Variants in UGGT2 observed in about 807,000 individuals in gnomAD.
UGGT2 encodes UDP-glucose:glycoprotein glucosyltransferase 2.
In UGGT2, 180 loss-of-function variants were observed where a neutral mutation model predicts 192.1. That is an observed-to-expected ratio of 0.94 (90% confidence interval 0.83 to 1.06). UGGT2 has a LOEUF of 1.06. Ranked by LOEUF, UGGT2 falls within the 50% of genes least tolerant of loss-of-function variation. The probability of loss-of-function intolerance (pLI) is 0.00; values close to 1 mark genes in which losing one functional copy is unlikely to be tolerated. For synonymous variants in UGGT2, 580 were observed against 591.0 expected (o/e 0.98, Z 0.27); for missense variants, 1,849 against 1,795.7 (o/e 1.03, Z -0.54).
chr13:95,861,008 T>C (rs1890114133), intron 31 of UGGT2, 125 bp from the exon 32 acceptor site: 1 of 435,272 alleles, frequency 2.3e-6, no homozygotes, highest in Non-Finnish European at 4.0e-6. Context: ...AAACACTCTA[T>C]AATATTTACA....
intron 20 of UGGT2, among the ~76,000 whole-genome samples, chr13:95,912,890 G>A (rs1394185642): frequency 1.3e-5 from 2 of 151,942 alleles, no homozygotes; most frequent in African/African-American, 2.4e-5. Context: ...CAAAACAGAG[G>A]TATAGACCAA....
chr13:95,833,103 A>C, intron 37 of UGGT2, 50 bp from the exon 38 acceptor site: 1 of 1,592,548 alleles, frequency 6.3e-7, no homozygotes, highest in South Asian at 1.1e-5. Flanking sequence ...TCCTGGAAAC[A>C]TAAGGACAAT....
At chr13:95,983,729 T>C (rs1026317108) in intron 10 of UGGT2, 75 bp downstream of exon 10, 3 of 1,104,858 alleles carry the variant, frequency 2.7e-6, no homozygotes, top group East Asian at 2.6e-5. Context: ...CTTTTTTGTA[T>C]GAATATTGAA....
chr13:96,025,229 G>A (rs542078838), intron 2 of UGGT2, among the ~76,000 whole-genome samples: 1 of 152,256 alleles, frequency 6.6e-6, no homozygotes, highest in African/African-American at 2.4e-5. Context: ...ACAACAAAAT[G>A]GAATGCTGAC....
At chr13:95,959,430 C>T (rs2050317709) in intron 12 of UGGT2, among the ~76,000 whole-genome samples, 2 of 152,160 alleles carry the variant, frequency 1.3e-5, no homozygotes, top group African/African-American at 4.8e-5. Context: ...TCCCCTGCTG[C>T]CCACCAACCA....
intron 17 of UGGT2, among the ~76,000 whole-genome samples, chr13:95,934,090 T>A (rs903800542): frequency 8.5e-5 from 13 of 152,232 alleles, no homozygotes; most frequent in Non-Finnish European, 1.6e-4. Flanking sequence ...TATTTGAATT[T>A]TTATTATTGC....
At chr13:95,876,356 C>G (rs1205934462) in intron 29 of UGGT2, among the ~76,000 whole-genome samples, 2 of 152,148 alleles carry the variant, frequency 1.3e-5, no homozygotes, top group East Asian at 3.8e-4. Context: ...GCTGGCCTGG[C>G]ATTGAGGCTG....
chr13:95,924,646 G>A (rs2048963843), intron 20 of UGGT2, among the ~76,000 whole-genome samples: 1 of 152,022 alleles, frequency 6.6e-6, no homozygotes, highest in Admixed American at 6.5e-5. Context: ...AACACTGTGT[G>A]TAACTTTTGA....
intron 20 of UGGT2, among the ~76,000 whole-genome samples, chr13:95,904,720 A>G (rs1449202184): frequency 2.0e-5 from 3 of 152,090 alleles, no homozygotes; most frequent in African/African-American, 7.2e-5. Flanking sequence ...GTTGGTTCCA[A>G]GTCTTTGCTA....
chr13:95,934,993 A>G (rs542276593), intron 17 of UGGT2, among the ~76,000 whole-genome samples: 2 of 152,132 alleles, frequency 1.3e-5, no homozygotes, highest in African/African-American at 2.4e-5. Context: ...CTTGTTGAAC[A>G]CTTTATAATT....
chr13:95,949,578 A>G, intron 12 of UGGT2, 124 bp from the exon 13 acceptor site: 1 of 962,098 alleles, frequency 1.0e-6, no homozygotes, highest in Non-Finnish European at 1.4e-6. Context: ...CTGATTAAAT[A>G]GAGGAGCTAG....
intron 27 of UGGT2, among the ~76,000 whole-genome samples, chr13:95,879,312 C>T (rs577622164): frequency 6.6e-6 from 1 of 152,296 alleles, no homozygotes; most frequent in African/African-American, 2.4e-5. Flanking sequence ...TTGACTTATT[C>T]AAACCACAAC....
chr13:95,804,800 A>G (rs1884224895), intron 38 of UGGT2, among the ~76,000 whole-genome samples: 1 of 152,204 alleles, frequency 6.6e-6, no homozygotes, highest in South Asian at 2.1e-4. Flanking sequence ...CTAAAAATGG[A>G]TTAAAAACCT....
rs941152570 is a variant in UGGT2, at chr13:95,904,155, G to A, written c.2296-1095C>T. Among the ~76,000 whole-genome samples the A allele has an allele frequency of 5.3e-5, 8 of 151,986 alleles. 1 individual carries two copies. Among genetic ancestry groups the A allele is most frequent in the African/African-American group, 1.4e-4 (6 of 41,390 alleles). On this transcript the variant is annotated intron_variant, in intron 20 of 38. Transcript: ENST00000376747. The stretch of plus-strand genomic sequence containing the variant: ...TCTATGGCTTGTTTTGTAGTGTACT[G>A]ATGATGTGTTATAATGGGAAGCAGT...
At chr13:95,990,321 T>C (rs2051417336) in intron 7 of UGGT2, 2 of 223,206 alleles carry the variant, frequency 9.0e-6, no homozygotes, top group East Asian at 1.8e-4. Context: ...CAATTGTTAG[T>C]GTCAACTGTA....
chr13:95,860,928 A>G (rs1890105772), intron 31 of UGGT2, 45 bp from the exon 32 acceptor site: 1 of 1,226,934 alleles, frequency 8.2e-7, no homozygotes, highest in African/African-American at 1.5e-5. Context: ...ATACATATGG[A>G]AACATTGTAT....
At chr13:96,044,114 G>A (rs1346379549) in intron 1 of UGGT2, among the ~76,000 whole-genome samples, 1 of 152,104 alleles carries the variant, frequency 6.6e-6, no homozygotes, top group Non-Finnish European at 1.5e-5. Flanking sequence ...CCACTGATAG[G>A]CCACAAATCA....
Position 96,053,401 on chromosome 13 carries a change from T to C in UGGT2, c.-89A>G, listed in dbSNP as rs1038621595. 22 of 1,497,846 alleles carry C rather than the reference T, an allele frequency of 1.5e-5. No homozygotes were observed. Among genetic ancestry groups the C allele is most frequent in the Non-Finnish European group, 1.9e-5 (22 of 1,130,880 alleles). 92.8% of individuals were successfully genotyped at this position (1,497,846 alleles called of 1,614,324 possible). On this transcript the variant is annotated 5_prime_UTR_variant, in exon 1 of 39. Coordinates refer to ENST00000376747, the MANE Select transcript of UGGT2 (RefSeq NM_020121.4). Reference sequence around the variant, plus strand: ...CGGCCGGCTCTTCCCGCTGCGCGGCTGCCCACTTCCGGTGGGAGGAGCTCG... The same window carrying C: ...CGGCCGGCTCTTCCCGCTGCGCGGCCGCCCACTTCCGGTGGGAGGAGCTCG...
chr13:96,002,799 T>C (rs1001238984), intron 5 of UGGT2, among the ~76,000 whole-genome samples: 2 of 152,232 alleles, frequency 1.3e-5, no homozygotes, highest in Admixed American at 1.3e-4. Flanking sequence ...CCAAAAGATC[T>C]TGGCAACCCA....
Sources: gnomAD v4.1 joint callset for allele counts (sites outside exome capture counted in the v4.1 genomes callset) on GRCh38, gnomAD v4.1.1 for gene constraint, MANE v1.5 for transcripts, NCBI Gene and HGNC (gene_info 2026-07-23, HGNC 2026-07-21) for gene names.